The following B3GAT2 variants were observed in gnomAD, a reference collection of about 807,000 sequenced individuals.
B3GAT2 encodes the protein galactosylgalactosylxylosylprotein 3-beta-glucuronosyltransferase 2.
In B3GAT2, 26 loss-of-function variants were observed where a neutral mutation model predicts 27.8. The ratio of observed to expected loss-of-function variants is 0.93; its 90% CI spans 0.68 to 1.30. The LOEUF (loss-of-function observed/expected upper bound fraction) is 1.30. B3GAT2 is among the 50% of genes most tolerant of loss of function. The pLI, the probability that B3GAT2 is intolerant of heterozygous loss-of-function variation, is 0.00. For synonymous variants in B3GAT2, 218 were observed against 195.1 expected (o/e 1.12, Z -0.98); for missense variants, 458 against 459.0 (o/e 1.00, Z 0.02).
intron 2 of B3GAT2, among the ~76,000 whole-genome samples, chr6:70,877,564 G>A (rs947541981): frequency 1.5e-4 from 23 of 152,206 alleles, no homozygotes; most frequent in Middle Eastern, 3.4e-3. Context: ...TTCTAACAGC[G>A]CTGATGGTTT....
At chr6:70,948,032 C>T (rs13202347) in intron 1 of B3GAT2, among the ~76,000 whole-genome samples, 4 of 151,902 alleles carry the variant, frequency 2.6e-5, no homozygotes, top group African/African-American at 7.3e-5. Context: ...ATTCAACAAC[C>T]CTTCATGCTA....
intron 1 of B3GAT2, among the ~76,000 whole-genome samples, chr6:70,930,476 G>T: frequency 6.6e-6 from 1 of 152,114 alleles, no homozygotes; most frequent in East Asian, 1.9e-4. Flanking sequence ...AATCTACAAA[G>T]AACTTAAACA....
chr6:70,926,736 A>G (rs986326120), intron 1 of B3GAT2, among the ~76,000 whole-genome samples: 3 of 152,210 alleles, frequency 2.0e-5, no homozygotes, highest in Non-Finnish European at 2.9e-5. Context: ...AATGGAACCA[A>G]GTTGGAAAAC....
At position 70,859,265 on chromosome 6, in the gene B3GAT2, C is replaced by T. The variant is rs544037675; in HGVS notation, c.*2398G>A. Reference sequence around the variant, plus strand: ...GTCACATGGTCAACATGCTGAAGCACACCCAGCTCAGGTTAAGGTGCTAGA... The same window carrying T: ...GTCACATGGTCAACATGCTGAAGCATACCCAGCTCAGGTTAAGGTGCTAGA... On this transcript the variant is annotated 3_prime_UTR_variant, in exon 4 of 4. Transcript: ENST00000230053. The T allele has an allele frequency of 1.8e-4, 214 of 1,192,354 alleles. No individual in the cohort carries two copies. In the African/African-American group the frequency reaches 2.9e-3, roughly 16 times the overall value. 73.9% of individuals were successfully genotyped at this position (1,192,354 alleles called of 1,614,324 possible).
intron 1 of B3GAT2, among the ~76,000 whole-genome samples, chr6:70,953,491 A>G (rs539445375): frequency 1.6e-3 from 241 of 152,366 alleles, no homozygotes; most frequent in Non-Finnish European, 2.7e-3. Context: ...ATATATGTCA[A>G]ACAAAGGCCT....
In B3GAT2 at chr6:70,857,890, C is replaced by T. The variant is rs776390021; in HGVS notation, c.*3773G>A. 1.2e-6 allele frequency: 2 copies of T among 1,603,306 alleles called. No homozygotes were observed. The highest frequency in any genetic ancestry group is 1.7e-6 in the Non-Finnish European group (2 of 1,175,338). ...ATGAGTGCAACTACACGTGATAGCT[C>T]TGTCTTCATTCATTTTCTTTTTGTG... is the stretch of plus-strand genomic sequence containing the variant. On this transcript the variant is annotated 3_prime_UTR_variant, in exon 4 of 4. Coordinates refer to ENST00000230053, the MANE Select transcript of B3GAT2 (RefSeq NM_080742.3).
At chr6:70,899,850 G>C (rs1196188661) in intron 1 of B3GAT2, among the ~76,000 whole-genome samples, 1 of 152,188 alleles carries the variant, frequency 6.6e-6, no homozygotes, top group African/African-American at 2.4e-5. Flanking sequence ...TAGGGGGAAT[G>C]TAACAACAAC....
chr6:70,914,290 A>G lies in B3GAT2; in HGVS notation c.592-20018T>C, dbSNP rs1582376695. Among the ~76,000 whole-genome samples, 6 of 151,240 alleles carry G rather than the reference A, an allele frequency of 4.0e-5. No homozygotes were observed. In the South Asian group the frequency reaches 1.1e-3, roughly 27 times the overall value. On this transcript the variant is annotated intron_variant, in intron 1 of 3. Coordinates refer to ENST00000230053, the MANE Select transcript of B3GAT2 (RefSeq NM_080742.3). Reference sequence around the variant, plus strand: ...AACACTACCTCTCCCCCAGTCCCCCACCCTCTGACAGGCCCCGGTGTGTGA... The same window carrying G: ...AACACTACCTCTCCCCCAGTCCCCCGCCCTCTGACAGGCCCCGGTGTGTGA...
chr6:70,865,577 G>A (rs1346582697), intron 2 of B3GAT2, among the ~76,000 whole-genome samples: 1 of 152,098 alleles, frequency 6.6e-6, no homozygotes, highest in African/African-American at 2.4e-5. Context: ...CATGGATTTT[G>A]GTATGAGTAG....
At chr6:70,894,054 A>G (rs1194318054) in intron 2 of B3GAT2, 74 bp downstream of exon 2, 3 of 1,396,838 alleles carry the variant, frequency 2.1e-6, no homozygotes, top group Non-Finnish European at 2.8e-6. Flanking sequence ...AGCTTCCTTC[A>G]TCTAGTGCAT....
At chr6:70,954,236 G>C (rs990294851) in intron 1 of B3GAT2, among the ~76,000 whole-genome samples, 1 of 152,152 alleles carries the variant, frequency 6.6e-6, no homozygotes, top group African/African-American at 2.4e-5. Flanking sequence ...TTTGGAGGGG[G>C]GAGCACTGAT....
chr6:70,868,881 A>G (rs1276947702), intron 2 of B3GAT2, among the ~76,000 whole-genome samples: 1 of 152,168 alleles, frequency 6.6e-6, no homozygotes, highest in Non-Finnish European at 1.5e-5. Context: ...CTTCCCAGCA[A>G]AGCATACACT....
chr6:70,888,664 G>A (rs12196191), intron 2 of B3GAT2, among the ~76,000 whole-genome samples: 31,153 of 152,054 alleles, frequency 0.2, 4,064 homozygotes, highest in Non-Finnish European at 0.29. Context: ...TCCCCTACTT[G>A]AAAAATGTCA....
At chr6:70,892,263 C>T (rs1463081813) in intron 2 of B3GAT2, among the ~76,000 whole-genome samples, 1 of 152,140 alleles carries the variant, frequency 6.6e-6, no homozygotes, top group East Asian at 1.9e-4. Context: ...CTAGATAGGC[C>T]AGCCCTAATG....
At chr6:70,933,606 CTG>C (rs1334620285) in intron 1 of B3GAT2, among the ~76,000 whole-genome samples, 2 of 152,194 alleles carry the variant, frequency 1.3e-5, no homozygotes, top group Non-Finnish European at 2.9e-5. Context: ...TCTTCCCAAA[CTG>C]TCACTTGACC....
chr6:70,916,224 T>C (rs1411614610), intron 1 of B3GAT2, among the ~76,000 whole-genome samples: 1 of 152,162 alleles, frequency 6.6e-6, no homozygotes, highest in Non-Finnish European at 1.5e-5. Context: ...TGGATAGGAA[T>C]GCTTGTGATT....
At chr6:70,950,028 G>A (rs1765553942) in intron 1 of B3GAT2, among the ~76,000 whole-genome samples, 1 of 151,338 alleles carries the variant, frequency 6.6e-6, no homozygotes, top group Non-Finnish European at 1.5e-5. Flanking sequence ...CACAGGAAGG[G>A]GAACATCACA....
chr6:70,910,195 A>G (rs981040347), intron 1 of B3GAT2, among the ~76,000 whole-genome samples: 2 of 151,934 alleles, frequency 1.3e-5, no homozygotes, highest in African/African-American at 4.8e-5. Context: ...TTAAGACTTT[A>G]TTTTAGGTTC....
intron 1 of B3GAT2, among the ~76,000 whole-genome samples, chr6:70,896,221 A>C (rs1772382821): frequency 6.6e-6 from 1 of 151,838 alleles, no homozygotes; most frequent in Non-Finnish European, 1.5e-5. Context: ...AACACAGAAA[A>C]CCCACACATG....
Sources: gnomAD v4.1 joint callset for allele counts (sites outside exome capture counted in the v4.1 genomes callset) on GRCh38, gnomAD v4.1.1 for gene constraint, MANE v1.5 for transcripts, NCBI Gene and HGNC (gene_info 2026-07-23, HGNC 2026-07-21) for gene names.